SLC4A4: variants seen among roughly 807,000 people sequenced by gnomAD.
SLC4A4 encodes solute carrier family 4 member 4.
SLC4A4 carries 27 observed loss-of-function variants against 111.5 expected under a neutral mutation model. The observed-to-expected ratio is 0.24, with a 90% CI of 0.18 to 0.33. The LOEUF (loss-of-function observed/expected upper bound fraction) is 0.33, where lower values mean the gene tolerates loss of function less well. Among genes scored for constraint, SLC4A4 ranks in the 10% least tolerant of loss-of-function variants. The pLI, the probability that SLC4A4 is intolerant of heterozygous loss-of-function variation, is 1.00. For missense variants in SLC4A4, 909 were observed against 1,315.5 expected, an observed-to-expected ratio of 0.69 and a Z score of 4.78; for synonymous variants, 443 against 463.4, an observed-to-expected ratio of 0.96 and a Z score of 0.57.
At chr4:71,197,736 AG>A (rs1487168278) in intron 1 of SLC4A4, among the ~76,000 whole-genome samples, 2 of 152,234 alleles carry the variant, frequency 1.3e-5, no homozygotes, top group Non-Finnish European at 2.9e-5. Flanking sequence ...AATAAAAAAA[AG>A]ATTTATAAGG....
At chr4:71,274,490 T>C (rs1280128354) in intron 3 of SLC4A4, among the ~76,000 whole-genome samples, 1 of 152,130 alleles carries the variant, frequency 6.6e-6, no homozygotes. Flanking sequence ...ATAAAACAAA[T>C]AGTTTGACAA....
intron 1 of SLC4A4, among the ~76,000 whole-genome samples, chr4:71,212,988 T>A (rs1718223389): frequency 6.6e-6 from 1 of 152,248 alleles, no homozygotes; most frequent in Non-Finnish European, 1.5e-5. Flanking sequence ...TATTGTATTA[T>A]AATTGCCTAC....
At chr4:71,443,114 CTCTATATA>C (rs1321351336) in intron 8 of SLC4A4, among the ~76,000 whole-genome samples, 32 of 90,278 alleles carry the variant, frequency 3.5e-4, no homozygotes, top group African/African-American at 1.4e-3. Flanking sequence ...CTCTCTCTCT[CTCTATATA>C]TATATATATA....
At chr4:71,559,050 G>A (rs1457968218) in intron 22 of SLC4A4, among the ~76,000 whole-genome samples, 1 of 151,582 alleles carries the variant, frequency 6.6e-6, no homozygotes, top group Non-Finnish European at 1.5e-5. Flanking sequence ...ATTTTAAAAT[G>A]GTTTACTTTT....
chr4:71,376,292 C>A (rs1439089447), intron 6 of SLC4A4, among the ~76,000 whole-genome samples: 1 of 150,906 alleles, frequency 6.6e-6, no homozygotes, highest in Non-Finnish European at 1.5e-5. Flanking sequence ...AGCTCTGCCT[C>A]TCGGGTTCAC....
intron 7 of SLC4A4, among the ~76,000 whole-genome samples, chr4:71,428,308 A>G (rs994159613): frequency 6.6e-6 from 1 of 152,086 alleles, no homozygotes; most frequent in African/African-American, 2.4e-5. Context: ...TTCTAACACT[A>G]TTATTTTCAG....
intron 6 of SLC4A4, among the ~76,000 whole-genome samples, chr4:71,381,014 A>G (rs747527185): frequency 3.3e-5 from 5 of 152,150 alleles, no homozygotes; most frequent in Non-Finnish European, 5.9e-5. Flanking sequence ...ACCCATTCTT[A>G]TCAATCCCAG....
intron 16 of SLC4A4, among the ~76,000 whole-genome samples, chr4:71,527,328 C>A (rs1264249220): frequency 6.6e-6 from 1 of 151,988 alleles, no homozygotes; most frequent in Non-Finnish European, 1.5e-5. Flanking sequence ...TGGCAGGATC[C>A]TAGACATATT....
At chr4:71,492,512 C>T (rs991334249) in intron 15 of SLC4A4, among the ~76,000 whole-genome samples, 2 of 151,878 alleles carry the variant, frequency 1.3e-5, no homozygotes, top group Non-Finnish European at 2.9e-5. Context: ...TAAATCTTTT[C>T]CCCCAGTACC....
chr4:71,489,282 T>C (rs1256052305), intron 15 of SLC4A4, among the ~76,000 whole-genome samples: 1 of 151,744 alleles, frequency 6.6e-6, no homozygotes, highest in Non-Finnish European at 1.5e-5. Flanking sequence ...GTTTTCTGCC[T>C]CTAGAATCTG....
At chr4:71,475,082 T>G (rs1728236308) in intron 14 of SLC4A4, among the ~76,000 whole-genome samples, 1 of 151,856 alleles carries the variant, frequency 6.6e-6, no homozygotes, top group African/African-American at 2.4e-5. Context: ...TTTATTAATT[T>G]ATACATAAAT....
At chr4:71,504,663 T>TGG (rs59792240) in intron 16 of SLC4A4, among the ~76,000 whole-genome samples, 19 of 136,870 alleles carry the variant, frequency 1.4e-4, no homozygotes, top group African/African-American at 4.6e-4. Context: ...TTGTGTTTCA[T>TGG]GGGGGGGGGG....
At chr4:71,425,195 C>G (rs1486626294) in intron 7 of SLC4A4, among the ~76,000 whole-genome samples, 2 of 152,114 alleles carry the variant, frequency 1.3e-5, no homozygotes, top group African/African-American at 4.8e-5. Context: ...TCAACACTCT[C>G]TCCAGAAGAT....
chr4:71,159,829 T>C (rs1211335346), intron 2 of SLC4A4, among the ~76,000 whole-genome samples: 1 of 152,234 alleles, frequency 6.6e-6, no homozygotes, highest in African/African-American at 2.4e-5. Flanking sequence ...AATCTGAGCA[T>C]AGTTTCCAAT....
intron 1 of SLC4A4, among the ~76,000 whole-genome samples, chr4:71,208,831 A>T (rs1041040942): frequency 6.6e-6 from 1 of 152,192 alleles, no homozygotes; most frequent in Non-Finnish European, 1.5e-5. Flanking sequence ...TCTTGAGGAC[A>T]TTAGATGATA....
intron 22 of SLC4A4, 73 bp downstream of exon 22, chr4:71,557,958 A>ATGT: frequency 7.4e-7 from 1 of 1,346,564 alleles, no homozygotes; most frequent in Non-Finnish European, 1.1e-6. Flanking sequence ...TATGGAAGAC[A>ATGT]CACATGTCTT....
At chr4:71,167,439 G>A (rs1192954900) in intron 2 of SLC4A4, among the ~76,000 whole-genome samples, 1 of 152,204 alleles carries the variant, frequency 6.6e-6, no homozygotes, top group Non-Finnish European at 1.5e-5. Context: ...TTAAGGAGAT[G>A]AGAATTAGAC....
intron 7 of SLC4A4, among the ~76,000 whole-genome samples, chr4:71,399,179 G>T (rs1244335648): frequency 6.6e-6 from 1 of 152,080 alleles, no homozygotes; most frequent in Non-Finnish European, 1.5e-5. Context: ...GTCCAATTTT[G>T]TTATCTGATG....
chr4:71,544,220 T>A (rs905872078), intron 18 of SLC4A4, among the ~76,000 whole-genome samples: 1 of 151,856 alleles, frequency 6.6e-6, no homozygotes, highest in Non-Finnish European at 1.5e-5. Context: ...TCACCTAGGT[T>A]GAGGAAGGAA....
Sources: gnomAD v4.1 joint callset for allele counts (sites outside exome capture counted in the v4.1 genomes callset) on GRCh38, gnomAD v4.1.1 for gene constraint, MANE v1.5 for transcripts, NCBI Gene and HGNC (gene_info 2026-07-23, HGNC 2026-07-21) for gene names.